The following SPP2 variants were observed in gnomAD, a reference collection of about 807,000 sequenced individuals.
The protein encoded by SPP2 is secreted phosphoprotein 2, also known as secreted phosphoprotein 24.
SPP2 carries 34 observed loss-of-function variants against 28.8 expected under a neutral mutation model. The observed-to-expected ratio is 1.18, with a 90% CI of 0.90 to 1.57. The LOEUF is 1.57. Ranked by LOEUF, SPP2 falls within the 40% of genes most tolerant of loss-of-function variation. The pLI, the probability that SPP2 is intolerant of heterozygous loss-of-function variation, is 0.00. For missense variants in SPP2, 269 were observed against 263.9 expected (o/e 1.02, Z -0.13); for synonymous variants, 96 against 89.4 (o/e 1.07, Z -0.42).
chr2:234,060,446 C>T lies in SPP2; in HGVS notation c.411C>T (p.Ser137=), dbSNP rs925807293. 16 of 1,613,494 alleles carry T rather than the reference C, an allele frequency of 9.9e-6. No homozygotes were observed. Among genetic ancestry groups the T allele is most frequent in the Non-Finnish European group, 1.2e-5 (14 of 1,179,866 alleles). Residue 137 remains serine (S), a synonymous_variant, in exon 4 of 8, where the codon TCC becomes TCT. Transcript: ENST00000168148. ...VQGVHARCSW[S]SSTSESYSSE... is the part of the protein sequence containing the mutation. ...GCGTGCATGCTCGCTGCAGCTGGTCCTCCTCCACGTCTGAGTCTTACAGCA... is the reference window on the plus strand; with the variant it reads ...GCGTGCATGCTCGCTGCAGCTGGTCTTCCTCCACGTCTGAGTCTTACAGCA...
In SPP2 at chr2:234,060,353, C is replaced by G. The variant is rs1693693581; in HGVS notation, c.334-16C>G. ...CAAACAGCTGAAGAGAGAACTCACC[C>G]CTTTGTCTTTTCCAGTCCACAGCTG... is the stretch of plus-strand genomic sequence containing the variant. On this transcript the variant is annotated splice_polypyrimidine_tract_variant and intron_variant, in intron 3 of 7. Transcript: ENST00000168148. 1 of 1,591,826 alleles carries G rather than the reference C, an allele frequency of 6.3e-7. No individual in the cohort carries two copies. Among genetic ancestry groups the G allele is most frequent in the Non-Finnish European group, 8.6e-7 (1 of 1,160,232 alleles).
chr2:234,051,403 G>A (rs1344459243), intron 2 of SPP2, among the ~76,000 whole-genome samples: 6 of 152,178 alleles, frequency 3.9e-5, no homozygotes, highest in Admixed American at 1.3e-4. Flanking sequence ...GTTTTATTAC[G>A]AACTTCTCAT....
rs760278082 is a variant in SPP2, at chr2:234,050,776, C to T, written c.-11C>T. On this transcript the variant is annotated 5_prime_UTR_variant, in exon 1 of 8. Coordinates refer to ENST00000168148, the MANE Select transcript of SPP2 (RefSeq NM_006944.3). ...ACATAGAGAGACACTCTCTGTCTCT[C>T]GATTACAATCATGATTTCCAGAATG... 15 of 1,612,350 alleles carry T rather than the reference C, an allele frequency of 9.3e-6. No homozygotes were observed. Among genetic ancestry groups the T allele is most frequent in the Admixed American group, 5.0e-5 (3 of 59,990 alleles).
intron 4 of SPP2, among the ~76,000 whole-genome samples, chr2:234,065,519 G>A (rs953446590): frequency 2.6e-5 from 4 of 152,146 alleles, no homozygotes; most frequent in African/African-American, 9.7e-5. Context: ...GCCTCAGCTA[G>A]TCTGCCTGCC....
chr2:234,067,392 A>T, intron 6 of SPP2, 118 bp downstream of exon 6: 1 of 945,694 alleles, frequency 1.1e-6, no homozygotes, highest in South Asian at 1.5e-5. Flanking sequence ...TGAAATACAA[A>T]ATATTTTAAG....
chr2:234,067,821 C>G (rs1273080068), intron 6 of SPP2, among the ~76,000 whole-genome samples: 6 of 137,166 alleles, frequency 4.4e-5, no homozygotes. Context: ...TACCAAGAAT[C>G]AAAATATCAA....
At chr2:234,058,760 G>T (rs2125455491) in intron 2 of SPP2, 76 bp from the exon 3 acceptor site, 1 of 1,499,732 alleles carries the variant, frequency 6.7e-7, no homozygotes, top group Non-Finnish European at 9.0e-7. Context: ...TTTCTTATGG[G>T]GTAGAGACAA....
In SPP2 at chr2:234,065,682, C is replaced by T. The variant is rs538443848; in HGVS notation, c.445-851C>T. ...CAAATCCTTGCCTATGATTTAATTG[C>T]ACTATTTGTCTTTTTATTTAGTTGT... On this transcript the variant is annotated intron_variant, in intron 4 of 7. Transcript: ENST00000168148. Among the ~76,000 whole-genome samples the T allele has an allele frequency of 3.9e-5, 6 of 152,268 alleles. No individual in the cohort carries two copies. In the East Asian group the frequency reaches 1.2e-3, roughly 29 times the overall value.
chr2:234,076,255 CA>C (rs1480809903), intron 7 of SPP2, among the ~76,000 whole-genome samples: 1 of 152,148 alleles, frequency 6.6e-6, no homozygotes, highest in Non-Finnish European at 1.5e-5. Flanking sequence ...GGGAGAACCT[CA>C]CACAGCTGAC....
chr2:234,050,790 A>G lies in SPP2; in HGVS notation c.4A>G (p.Ile2Val), dbSNP rs1297296795. 1.2e-6 allele frequency: 2 copies of G among 1,613,722 alleles called. No individual in the cohort carries two copies. The highest frequency in any genetic ancestry group is 8.5e-7 in the Non-Finnish European group (1 of 1,179,768). The change falls in exon 1 of 8, where the codon ATT becomes GTT. Residue 2 changes from isoleucine (I) to valine (V), a missense_variant. By Grantham distance (29) the Ile-to-Val change is conservative. Transcript: ENST00000168148. ...TCTCTGTCTCTCGATTACAATCATG[A>G]TTTCCAGAATGGAGAAGATGACGAT... is the stretch of plus-strand genomic sequence containing the variant. M[I>V]SRMEKMTMMM... is the part of the protein sequence containing the mutation.
chr2:234,075,838 G>A (rs1690884106), intron 7 of SPP2, among the ~76,000 whole-genome samples: 1 of 152,112 alleles, frequency 6.6e-6, no homozygotes, highest in South Asian at 2.1e-4. Context: ...TTCCCTCGGA[G>A]ACTCACTCTT....
rs145437319 is a variant in SPP2 at position 234,066,676 on chromosome 2, T to C, written c.499+89T>C. ...TTAGTGAGTCATTTAAAACTAGAAA[T>C]ACATATGTATGTAATCTTGCAACAA... On this transcript the variant is annotated intron_variant, in intron 5 of 7. Coordinates refer to ENST00000168148, the MANE Select transcript of SPP2 (RefSeq NM_006944.3). The C allele has an allele frequency of 7.7e-3, 7,394 of 959,996 alleles. 62 individuals are homozygous for C. The highest frequency in any genetic ancestry group is 0.01 in the Non-Finnish European group (6,353 of 621,594). The allele number at this position is 959,996 out of a possible 1,614,324, so 59.5% of individuals were successfully genotyped here. A position where few individuals can be genotyped will look rare whatever the true frequency, so the allele number is the denominator to read the frequency against.
chr2:234,076,045 G>A (rs1477907890), intron 7 of SPP2, among the ~76,000 whole-genome samples: 2 of 152,142 alleles, frequency 1.3e-5, no homozygotes, highest in Non-Finnish European at 2.9e-5. Context: ...CATTTTCCTG[G>A]TGGCTGTGTC....
intron 7 of SPP2, among the ~76,000 whole-genome samples, chr2:234,070,257 A>C (rs1395174596): frequency 6.6e-6 from 1 of 152,200 alleles, no homozygotes; most frequent in Admixed American, 6.5e-5. Context: ...AAGTCTGTCC[A>C]TGTGAGGAGC....
At chr2:234,066,210 G>A (rs527884791) in intron 4 of SPP2, among the ~76,000 whole-genome samples, 7 of 152,226 alleles carry the variant, frequency 4.6e-5, no homozygotes, top group Non-Finnish European at 8.8e-5. Flanking sequence ...TCTAAAATTC[G>A]ATCTAAACTT....
chr2:234,060,490 G>A lies in SPP2; in HGVS notation c.444+11G>A. On this transcript the variant is annotated intron_variant, in intron 4 of 7. Coordinates refer to ENST00000168148, the MANE Select transcript of SPP2 (RefSeq NM_006944.3). ...TACAGCAGCGAAGAGGTATGACTGG[G>A]GCCTTGTCTCCTCCCAGACCGCACC... 1 of 1,606,500 alleles carries A rather than the reference G, an allele frequency of 6.2e-7. No homozygotes were observed. The highest frequency in any genetic ancestry group is 2.2e-5 in the East Asian group (1 of 44,622).
At chr2:234,058,319 G>T (rs574825362) in intron 2 of SPP2, among the ~76,000 whole-genome samples, 49 of 152,226 alleles carry the variant, frequency 3.2e-4, no homozygotes, top group African/African-American at 1.1e-3. Flanking sequence ...CCACGAAATA[G>T]ACCATAAAAA....
intron 2 of SPP2, among the ~76,000 whole-genome samples, chr2:234,054,326 G>C (rs1158894333): frequency 1.3e-5 from 2 of 152,168 alleles, no homozygotes; most frequent in Non-Finnish European, 2.9e-5. Context: ...TTTGAGGTCT[G>C]TTTTAAGGGC....
chr2:234,065,531 TG>T (rs914612173), intron 4 of SPP2, among the ~76,000 whole-genome samples: 36 of 152,288 alleles, frequency 2.4e-4, no homozygotes, highest in African/African-American at 7.2e-4. Flanking sequence ...CTGCCTGCCT[TG>T]CCTCCCAAAG....
Sources: gnomAD v4.1 joint callset for allele counts (sites outside exome capture counted in the v4.1 genomes callset) on GRCh38, gnomAD v4.1.1 for gene constraint, MANE v1.5 for transcripts, NCBI Gene and HGNC (gene_info 2026-07-23, HGNC 2026-07-21) for gene names.